Variants in FER1L5 observed in about 807,000 individuals in gnomAD.
FER1L5 encodes fer-1-like protein 5.
FER1L5 carries 187 observed loss-of-function variants against 279.9 expected under a neutral mutation model. The ratio of observed to expected loss-of-function variants is 0.67; its 90% CI spans 0.59 to 0.75. FER1L5 has a LOEUF of 0.75. FER1L5 is among the 30% of genes least tolerant of loss of function. The pLI, the probability that FER1L5 is intolerant of heterozygous loss-of-function variation, is 0.00. For synonymous variants in FER1L5, 921 were observed against 989.7 expected, an observed-to-expected ratio of 0.93 and a Z score of 1.30; for missense variants, 2,091 against 2,594.4, an observed-to-expected ratio of 0.81 and a Z score of 4.21.
In FER1L5 at chr2:96,654,502, T is replaced by A; in HGVS notation, c.747+6T>A. 1 of 398,976 alleles carries A rather than the reference T, an allele frequency of 2.5e-6. No homozygotes were observed. The highest frequency in any genetic ancestry group is 4.4e-6 in the Non-Finnish European group (1 of 226,042). 24.7% of individuals were successfully genotyped at this position (398,976 alleles called of 1,614,324 possible). On this transcript the variant is annotated splice_donor_region_variant and intron_variant, in intron 9 of 52. Coordinates refer to ENST00000624922, the MANE Select transcript of FER1L5 (RefSeq NM_001293083.2). The stretch of plus-strand genomic sequence containing the variant: ...CAGAGATCGGGAGATTTCAAGTGAG[T>A]ACTGTACATGGGAGGAGGTTCAGTG...
At chr2:96,657,133 G>A (rs2106480356) in intron 9 of FER1L5, among the ~76,000 whole-genome samples, 1 of 151,026 alleles carries the variant, frequency 6.6e-6, no homozygotes, top group Admixed American at 6.6e-5. Context: ...TGAATGCTGT[G>A]GCACGATCTT....
At chr2:96,643,642 G>A (rs924321429) in intron 1 of FER1L5, among the ~76,000 whole-genome samples, 2 of 151,682 alleles carry the variant, frequency 1.3e-5, no homozygotes, top group South Asian at 2.1e-4. Context: ...GAGCCACCGC[G>A]CCCAGCCTAC....
chr2:96,683,901 C>T (rs539613620), intron 19 of FER1L5, among the ~76,000 whole-genome samples: 13 of 152,312 alleles, frequency 8.5e-5, no homozygotes, highest in South Asian at 8.3e-4. Flanking sequence ...TGGCACCCAT[C>T]GGGGGTGTTT....
intron 7 of FER1L5, 94 bp from the exon 8 acceptor site, chr2:96,653,546 A>G: frequency 3.1e-6 from 3 of 959,374 alleles, no homozygotes; most frequent in Non-Finnish European, 4.9e-6. Flanking sequence ...AGTTGTGGAA[A>G]GAAGCACATT....
At chr2:96,659,469 C>CT (rs1462227605) in intron 9 of FER1L5, among the ~76,000 whole-genome samples, 1 of 26,258 alleles carries the variant, frequency 3.8e-5, no homozygotes, top group Non-Finnish European at 5.8e-5. Context: ...TTCTTTCTTT[C>CT]TTTCTTTCTT....
chr2:96,695,550 C>A lies in FER1L5; in HGVS notation c.3783C>A (p.Ser1261=). Residue 1261 remains serine, a synonymous_variant, in exon 35 of 53, where the codon TCC becomes TCA. Transcript: ENST00000624922. ...TTCGGAACATGAAGAAGGCGAGCTC[C>A]CCCCAGCTCCTGGTGGAATTCGGGG... The part of the protein sequence containing the change: ...WGLRNMKKAS[S]PQLLVEFGEE... The A allele has an allele frequency of 6.3e-7, 1 of 1,593,356 alleles. No homozygotes were observed. The highest frequency in any genetic ancestry group is 2.3e-5 in the East Asian group (1 of 43,982).
At chr2:96,674,677 A>G (rs1315488666) in intron 19 of FER1L5, among the ~76,000 whole-genome samples, 1 of 152,172 alleles carries the variant, frequency 6.6e-6, no homozygotes, top group African/African-American at 2.4e-5. Context: ...ATGTGTATGT[A>G]TAGTTTAAAG....
At position 96,689,008 on chromosome 2, in the gene FER1L5, C is replaced by T. The variant is rs117049219; in HGVS notation, c.2362-205C>T. The T allele has an allele frequency of 1.8e-3, 1,022 of 573,462 alleles. 18 individuals carry two copies. The East Asian group carries it at 0.03, about 17-fold the overall frequency. The allele number at this position is 573,462 out of a possible 1,614,324, so 35.5% of individuals were successfully genotyped here. A position where few individuals can be genotyped will look rare whatever the true frequency, so the allele number is the denominator to read the frequency against. On this transcript the variant is annotated intron_variant, in intron 24 of 52. Coordinates refer to ENST00000624922, the MANE Select transcript of FER1L5 (RefSeq NM_001293083.2). This position sits in a 1 kb window ranked among gnomAD's most constrained non-coding sequence, Gnocchi z 4.6. ...GTCCACACATGCAGCATCCACCCCA[C>T]TCTGCCAGCTGAATGATCCAGGGCA...
chr2:96,692,687 G>T (rs2077199160), intron 31 of FER1L5, among the ~76,000 whole-genome samples: 2 of 152,180 alleles, frequency 1.3e-5, no homozygotes, highest in African/African-American at 4.8e-5. Context: ...GCCTGTCCTT[G>T]GTCCTGTGAG....
chr2:96,666,891 G>T (rs2076145904), intron 14 of FER1L5, among the ~76,000 whole-genome samples: 1 of 152,046 alleles, frequency 6.6e-6, no homozygotes, highest in South Asian at 2.1e-4. Context: ...GGCCTCAAGT[G>T]ATCCTCCCAC....
intron 19 of FER1L5, among the ~76,000 whole-genome samples, chr2:96,681,321 T>TG (rs1414475573): frequency 6.6e-6 from 1 of 152,156 alleles, no homozygotes; most frequent in East Asian, 1.9e-4. Flanking sequence ...CATTGCAGCC[T>TG]GGGTGACAGA....
intron 9 of FER1L5, among the ~76,000 whole-genome samples, chr2:96,658,710 A>G (rs1433358842): frequency 6.6e-6 from 1 of 152,008 alleles, no homozygotes; most frequent in Non-Finnish European, 1.5e-5. Context: ...TATTTTAGCC[A>G]TTCTAATGGT....
chr2:96,704,172 GTTCTCCCTGCCA>G (rs772605148), intron 51 of FER1L5, 31 bp from the exon 52 acceptor site: 59 of 1,605,794 alleles, frequency 3.7e-5, no homozygotes, highest in Non-Finnish European at 4.8e-5. Context: ...TGACCTGAAG[GTTCTCCCTGCCA>G]TTCTCTGACA....
Position 96,693,922 on chromosome 2 carries a change from C to CT in FER1L5, c.3488dup (p.Leu1163PhefsTer44), listed in dbSNP as rs1197468580. The CT allele has an allele frequency of 3.2e-6, 5 of 1,549,642 alleles. No homozygotes were observed. The highest frequency in any genetic ancestry group is 4.4e-6 in the Non-Finnish European group (5 of 1,146,152). ...CTTCCCCCCTCCAGGGCAAGGAGAGCTTGTGGGGACGGAGCGTGTGGCCCC... is the reference window on the plus strand; with the variant it reads ...CTTCCCCCCTCCAGGGCAAGGAGAGCTTTGTGGGGACGGAGCGTGTGGCCCC... On this transcript the variant is annotated frameshift_variant, in exon 33 of 53. Transcript: ENST00000624922. LOFTEE classifies it high-confidence loss of function.
Position 96,700,049 on chromosome 2 carries a change from T to C in FER1L5, c.4899T>C (p.Tyr1633=), listed in dbSNP as rs770082713. 9 of 1,613,828 alleles carry C rather than the reference T, an allele frequency of 5.6e-6. No individual in the cohort carries two copies. The South Asian group carries it at 9.9e-5, about 18-fold the overall frequency. Residue 1633 remains tyrosine, a synonymous_variant, in exon 44 of 53, where the codon TAT becomes TAC. Transcript: ENST00000624922. ...LFSPEEDAVF[Y]NGKKFKLQSF... The stretch of plus-strand genomic sequence containing the variant: ...GTCCTGAGGAAGATGCTGTTTTCTA[T>C]AATGGGAAAAAGTTCAAGCTGCAAA...
At position 96,689,155 on chromosome 2, in the gene FER1L5, A is replaced by G; in HGVS notation, c.2362-58A>G. The G allele has an allele frequency of 2.6e-6, 4 of 1,511,348 alleles. No individual in the cohort carries two copies. The highest frequency in any genetic ancestry group is 3.5e-6 in the Non-Finnish European group (4 of 1,131,352). 93.6% of individuals were successfully genotyped at this position (1,511,348 alleles called of 1,614,324 possible). On this transcript the variant is annotated intron_variant, in intron 24 of 52. Coordinates refer to ENST00000624922, the MANE Select transcript of FER1L5 (RefSeq NM_001293083.2). This position sits in a 1 kb window ranked among gnomAD's most constrained non-coding sequence, Gnocchi z 4.6. ...GAGTCAGGGGGCCCAGGGGAGGCCC[A>G]TGTCCCCGCACTTTGTGCTAGAGGA...
Position 96,691,193 on chromosome 2 carries a change from G to A in FER1L5, c.2747G>A (p.Trp916Ter). ...GGCCATGGTCCACCCACCGCAGGCT[G>A]GGAGTATGGAGTGGGGATCCCACCG... ...ELNHAVDSKG[W>*]EYGVGIPPSG... is the part of the protein sequence containing the mutation. Residue 916 changes from tryptophan to a stop codon, truncating the protein, a stop_gained, in exon 28 of 53, where the codon TGG becomes TAG. Coordinates refer to ENST00000624922, the MANE Select transcript of FER1L5 (RefSeq NM_001293083.2). LOFTEE classifies it high-confidence loss of function. This position sits in a 1 kb window ranked among gnomAD's most constrained non-coding sequence, Gnocchi z 6.0. 6.5e-7 allele frequency: 1 copy of A among 1,547,744 alleles called. No individual in the cohort carries two copies. Among genetic ancestry groups the A allele is most frequent in the South Asian group, 1.2e-5 (1 of 83,794 alleles).
At chr2:96,659,629 C>CT (rs1198525396) in intron 9 of FER1L5, among the ~76,000 whole-genome samples, 1 of 150,554 alleles carries the variant, frequency 6.6e-6, no homozygotes, top group African/African-American at 2.5e-5. Context: ...GTAGCTGAGA[C>CT]TACAGGGGCC....
In FER1L5 at chr2:96,643,513, C is replaced by A. The variant is rs1343806944; in HGVS notation, c.85+592C>A. ...TACAGGCACATGCCACCACACCCAG[C>A]TGATTTTTGTCATTTTAATAGAGAC... is the stretch of plus-strand genomic sequence containing the variant. On this transcript the variant is annotated intron_variant, in intron 1 of 52. Coordinates refer to ENST00000624922, the MANE Select transcript of FER1L5 (RefSeq NM_001293083.2). Among the ~76,000 whole-genome samples the A allele has an allele frequency of 1.1e-4, 16 of 152,098 alleles. No homozygotes were observed. The East Asian group carries it at 2.9e-3, about 28-fold the overall frequency.
Sources: gnomAD v4.1 joint callset for allele counts (sites outside exome capture counted in the v4.1 genomes callset) on GRCh38, gnomAD v4.1.1 for gene constraint, Gnocchi (gnomAD v3.1) non-coding constraint, MANE v1.5 for transcripts, NCBI Gene and HGNC (gene_info 2026-07-23, HGNC 2026-07-21) for gene names.